FMNL2: variants seen among roughly 807,000 people sequenced by gnomAD.
FMNL2 encodes formin-like protein 2.
In FMNL2, 51 loss-of-function variants were observed where a neutral mutation model predicts 130.2. The observed-to-expected ratio is 0.39, with a 90% CI of 0.31 to 0.49. FMNL2 has a LOEUF of 0.49. Ranked by LOEUF, FMNL2 falls within the 20% of genes least tolerant of loss-of-function variation. The pLI is 0.85. For synonymous variants in FMNL2, 465 were observed against 467.1 expected (o/e 1.00, Z 0.06); for missense variants, 977 against 1,316.2 (o/e 0.74, Z 3.99).
At chr2:152,354,778 A>G (rs1413468460) in intron 1 of FMNL2, among the ~76,000 whole-genome samples, 4 of 152,230 alleles carry the variant, frequency 2.6e-5, no homozygotes, top group African/African-American at 9.6e-5. Context: ...TTGGTGAGAT[A>G]AAAGAATATT....
chr2:152,417,677 C>G (rs955687404), intron 1 of FMNL2, among the ~76,000 whole-genome samples: 1 of 152,128 alleles, frequency 6.6e-6, no homozygotes, highest in East Asian at 1.9e-4. Flanking sequence ...CTTCCATCTA[C>G]GGTTGCTGCC....
intron 12 of FMNL2, 84 bp downstream of exon 12, chr2:152,615,084 A>C: frequency 6.7e-7 from 1 of 1,485,006 alleles, no homozygotes; most frequent in East Asian, 2.3e-5. Flanking sequence ...ATGGTGGTAA[A>C]TTTAAGGATT....
At chr2:152,371,668 C>CAAAA (rs71394476) in intron 1 of FMNL2, among the ~76,000 whole-genome samples, 48 of 65,164 alleles carry the variant, frequency 7.4e-4, no homozygotes, top group African/African-American at 9.9e-4. Context: ...GACTCTGTCT[C>CAAAA]AAAAAAAAAA....
chr2:152,387,908 C>T (rs1684875401), intron 1 of FMNL2, among the ~76,000 whole-genome samples: 1 of 151,864 alleles, frequency 6.6e-6, no homozygotes, highest in South Asian at 2.1e-4. Flanking sequence ...CTTGACTCAA[C>T]CTACCGAAGC....
At chr2:152,475,099 T>C (rs1236424075) in intron 1 of FMNL2, among the ~76,000 whole-genome samples, 1 of 152,166 alleles carries the variant, frequency 6.6e-6, no homozygotes, top group Non-Finnish European at 1.5e-5. Context: ...CCTTGAAGAA[T>C]TATGCAAAAA....
chr2:152,427,362 C>A (rs866686328), intron 1 of FMNL2, among the ~76,000 whole-genome samples: 1 of 152,100 alleles, frequency 6.6e-6, no homozygotes, highest in Non-Finnish European at 1.5e-5. Flanking sequence ...GCCTGGCCAA[C>A]ATGGTGAAAC....
chr2:152,397,130 A>C (rs1380372860), intron 1 of FMNL2, among the ~76,000 whole-genome samples: 1 of 152,246 alleles, frequency 6.6e-6, no homozygotes, highest in African/African-American at 2.4e-5. Context: ...ATGTTGCTTT[A>C]CCTAAGGATG....
chr2:152,622,029 A>G (rs1037529323), intron 15 of FMNL2, among the ~76,000 whole-genome samples: 1 of 152,156 alleles, frequency 6.6e-6, no homozygotes, highest in Non-Finnish European at 1.5e-5. Context: ...TTTTCTTTGT[A>G]TTTTATAGAG....
At chr2:152,590,733 T>TACACTA in intron 9 of FMNL2, among the ~76,000 whole-genome samples, 1 of 152,008 alleles carries the variant, frequency 6.6e-6, no homozygotes, top group East Asian at 1.9e-4. Flanking sequence ...TGTGTATCAG[T>TACACTA]GTGTATGCAT....
intron 3 of FMNL2, among the ~76,000 whole-genome samples, chr2:152,547,898 C>A (rs1467199016): frequency 6.6e-6 from 1 of 152,174 alleles, no homozygotes; most frequent in East Asian, 1.9e-4. Context: ...AGTTTTCTTC[C>A]TTCAAAGTGG....
Position 152,578,800 on chromosome 2 carries a change from C to T in FMNL2, c.706-88C>T, listed in dbSNP as rs563804304. On this transcript the variant is annotated intron_variant, in intron 7 of 25. Coordinates refer to ENST00000288670, the MANE Select transcript of FMNL2 (RefSeq NM_052905.4). ...TGTAAGTTTCATTAGGTAGATACTT[C>T]GGGTTTTTGGTTTTAAATCAATACT... 29 of 997,496 alleles carry T rather than the reference C, an allele frequency of 2.9e-5. No individual in the cohort carries two copies. In the African/African-American group the frequency reaches 3.5e-4, roughly 12 times the overall value. The allele number at this position is 997,496 out of a possible 1,614,324, so 61.8% of individuals were successfully genotyped here.
intron 1 of FMNL2, among the ~76,000 whole-genome samples, chr2:152,484,028 G>A (rs1479884316): frequency 6.6e-6 from 1 of 152,164 alleles, no homozygotes; most frequent in Non-Finnish European, 1.5e-5. Context: ...ACCAGCTAAT[G>A]GACCCTCTAC....
At chr2:152,354,713 C>G (rs1433597384) in intron 1 of FMNL2, among the ~76,000 whole-genome samples, 1 of 152,160 alleles carries the variant, frequency 6.6e-6, no homozygotes, top group Non-Finnish European at 1.5e-5. Flanking sequence ...TTTCTCTCAG[C>G]TGATAAATAT....
intron 6 of FMNL2, among the ~76,000 whole-genome samples, chr2:152,568,024 A>G (rs1235162013): frequency 6.6e-6 from 1 of 152,204 alleles, no homozygotes; most frequent in Non-Finnish European, 1.5e-5. Context: ...AATTCAGGAA[A>G]CATTCTTTCA....
chr2:152,538,227 G>A (rs1694103473), intron 2 of FMNL2, among the ~76,000 whole-genome samples: 1 of 152,084 alleles, frequency 6.6e-6, no homozygotes, highest in Non-Finnish European at 1.5e-5. Flanking sequence ...GTTCAGGGAA[G>A]AGGAAGAGGA....
chr2:152,402,286 T>G (rs1361911608), intron 1 of FMNL2, among the ~76,000 whole-genome samples: 4 of 152,208 alleles, frequency 2.6e-5, no homozygotes, highest in Non-Finnish European at 5.9e-5. Flanking sequence ...TGAACAGGTG[T>G]GCTCTAAGTC....
chr2:152,340,278 T>TC (rs1197535900), intron 1 of FMNL2, among the ~76,000 whole-genome samples: 1 of 152,048 alleles, frequency 6.6e-6, no homozygotes, highest in Non-Finnish European at 1.5e-5. Flanking sequence ...TGTTCCCTAC[T>TC]CCCCCTGGCC....
At chr2:152,437,356 C>G (rs1661114931) in intron 1 of FMNL2, among the ~76,000 whole-genome samples, 1 of 152,086 alleles carries the variant, frequency 6.6e-6, no homozygotes, top group Non-Finnish European at 1.5e-5. Flanking sequence ...CACCACTGGC[C>G]ATGCCTGTTT....
chr2:152,641,061 T>G, intron 25 of FMNL2, 147 bp downstream of exon 25: 1 of 1,048,286 alleles, frequency 9.5e-7, no homozygotes, highest in South Asian at 1.4e-5. Flanking sequence ...GCAGAGAGGC[T>G]TTGAAGTCCA....
Sources: gnomAD v4.1 joint callset for allele counts (sites outside exome capture counted in the v4.1 genomes callset) on GRCh38, gnomAD v4.1.1 for gene constraint, MANE v1.5 for transcripts, NCBI Gene and HGNC (gene_info 2026-07-23, HGNC 2026-07-21) for gene names.